The following FGF13 variants were observed in gnomAD, a reference collection of about 807,000 sequenced individuals.
FGF13 encodes the protein fibroblast growth factor 13.
Under a neutral mutation model 19.5 loss-of-function variants are expected in FGF13, and 2 were observed. The ratio of observed to expected loss-of-function variants is 0.10; its 90% CI spans 0.04 to 0.32. FGF13 has a LOEUF of 0.32. Among genes scored for constraint, FGF13 ranks in the 10% least tolerant of loss-of-function variants. The probability of loss-of-function intolerance (pLI) is 1.00; values close to 1 mark genes in which losing one functional copy is unlikely to be tolerated. For missense variants in FGF13, 113 were observed against 192.7 expected (o/e 0.59, Z 2.45); for synonymous variants, 72 against 76.9 (o/e 0.94, Z 0.33).
chrX:138,942,025 A>G (rs753747199), intron 1 of FGF13, among the ~76,000 whole-genome samples: 47 of 112,412 alleles, frequency 4.2e-4, no homozygotes, highest in African/African-American at 1.5e-3. Context: ...AACAGAGTCT[A>G]TAGTCCCAGC....
At chrX:139,120,362 T>A (rs1382831927) in intron 1 of FGF13, among the ~76,000 whole-genome samples, 1 of 112,093 alleles carries the variant, frequency 8.9e-6, no homozygotes, top group Admixed American at 9.4e-5. Context: ...TTGTATTACC[T>A]CTTGTATACT....
chrX:138,692,656 G>A (rs1297134727), intron 3 of FGF13, among the ~76,000 whole-genome samples: 1 of 111,194 alleles, frequency 9.0e-6, no homozygotes, highest in Non-Finnish European at 1.9e-5. Flanking sequence ...TATAGCAACA[G>A]AGCAATGAAT....
At chrX:138,950,496 T>A (rs1279439129) in intron 1 of FGF13, among the ~76,000 whole-genome samples, 2 of 111,891 alleles carry the variant, frequency 1.8e-5, no homozygotes, top group Non-Finnish European at 3.8e-5. Flanking sequence ...CTCACAGCAA[T>A]CAAGTCATAT....
intron 3 of FGF13, among the ~76,000 whole-genome samples, chrX:138,815,651 C>A (rs146021076): frequency 9.1e-6 from 1 of 109,917 alleles, no homozygotes; most frequent in Admixed American, 9.8e-5. Context: ...AATGATACTG[C>A]AACAATGGAC....
intron 1 of FGF13, among the ~76,000 whole-genome samples, chrX:138,870,705 C>T (rs1439241054): frequency 8.9e-6 from 1 of 112,433 alleles, no homozygotes; most frequent in Non-Finnish European, 1.9e-5. Flanking sequence ...AATAGTGGAG[C>T]AGAGAGATGA....
At chrX:139,042,078 A>T (rs1230586107) in intron 1 of FGF13, among the ~76,000 whole-genome samples, 1 of 112,619 alleles carries the variant, frequency 8.9e-6, no homozygotes, top group Non-Finnish European at 1.9e-5. Context: ...CTGGGCTGTT[A>T]GCCATTAACT....
At chrX:138,736,938 C>T (rs1213002961) in intron 1 of FGF13, among the ~76,000 whole-genome samples, 1 of 110,589 alleles carries the variant, frequency 9.0e-6, no homozygotes, top group Non-Finnish European at 1.9e-5. Flanking sequence ...GGGAACACAA[C>T]AAGGACAAAA....
At chrX:138,708,211 G>A (rs1227305387) in intron 2 of FGF13, among the ~76,000 whole-genome samples, 1 of 112,219 alleles carries the variant, frequency 8.9e-6, no homozygotes, top group African/African-American at 3.2e-5. Context: ...TCAGTAATTG[G>A]AAATAAAACC....
chrX:138,677,481 GA>G (rs1480073181), intron 3 of FGF13, among the ~76,000 whole-genome samples: 1 of 99,390 alleles, frequency 1.0e-5, no homozygotes, highest in South Asian at 4.6e-4. Flanking sequence ...AAATGTACAA[GA>G]AAAAAAACAA....
In FGF13 at chrX:139,088,540, G is replaced by GAAA. The variant is rs142651925; in HGVS notation, c.-113+114873_-113+114875dup. ...TGGATTCACTCAGCATTACTTGCAA[G>GAAA]AAAAAAAAAAAAAAAAACTCAAAAC... On this transcript the variant is annotated intron_variant, in intron 1 of 2. Transcript: ENST00000421460. 8.4e-4 allele frequency among the ~76,000 whole-genome samples: 55 copies of GAAA among 65,580 alleles called. No homozygotes were observed. In the East Asian group the frequency reaches 8.7e-3, roughly 10 times the overall value. The allele number at this position is 65,580 out of a possible 115,157, so 56.9% of individuals were successfully genotyped here.
chrX:138,667,274 G>T (rs2886856), intron 3 of FGF13, among the ~76,000 whole-genome samples: 14,113 of 105,899 alleles, frequency 0.13, 716 homozygotes, highest in South Asian at 0.23. Context: ...TATATATATA[G>T]AGAGAGAGAG....
At chrX:138,973,577 T>G (rs985250176) in intron 1 of FGF13, among the ~76,000 whole-genome samples, 1 of 111,987 alleles carries the variant, frequency 8.9e-6, no homozygotes, top group African/African-American at 3.2e-5. Context: ...GATCTATCCA[T>G]CGCTGAAAGT....
At chrX:138,774,672 C>T (rs973110209) in intron 3 of FGF13, among the ~76,000 whole-genome samples, 4 of 111,459 alleles carry the variant, frequency 3.6e-5, no homozygotes, top group African/African-American at 1.3e-4. Flanking sequence ...TATCTAAGTG[C>T]CCACTTCCAC....
intron 3 of FGF13, among the ~76,000 whole-genome samples, chrX:138,770,803 T>C (rs1160932595): frequency 1.8e-5 from 2 of 111,537 alleles, no homozygotes; most frequent in African/African-American, 6.5e-5. Context: ...GCAAATTATA[T>C]AAAAAGGCAC....
intron 3 of FGF13, among the ~76,000 whole-genome samples, chrX:138,679,286 C>T (rs1326166883): frequency 2.7e-5 from 3 of 109,787 alleles, no homozygotes; most frequent in Non-Finnish European, 5.7e-5. Context: ...GCTATGTTGC[C>T]GAGGCTGGTC....
chrX:138,915,098 G>GT (rs112158216), intron 1 of FGF13, among the ~76,000 whole-genome samples: 4,516 of 111,444 alleles, frequency 0.041, 250 homozygotes, highest in African/African-American at 0.14. Context: ...GGCTACTCCA[G>GT]TTTTTTCAAC....
chrX:138,924,692 TC>T (rs1215974302), intron 1 of FGF13, among the ~76,000 whole-genome samples: 9 of 110,274 alleles, frequency 8.2e-5, no homozygotes, highest in African/African-American at 2.6e-4. Context: ...AGTAACTGAG[TC>T]CATAACCCTG....
intron 1 of FGF13, among the ~76,000 whole-genome samples, chrX:139,162,479 G>A (rs1194979729): frequency 1.8e-5 from 2 of 111,985 alleles, no homozygotes; most frequent in African/African-American, 6.5e-5. Context: ...ACATAGGCAC[G>A]GGCAAAGATG....
chrX:138,801,697 C>T (rs1013940620), intron 3 of FGF13, among the ~76,000 whole-genome samples: 3 of 112,020 alleles, frequency 2.7e-5, no homozygotes, highest in Admixed American at 9.4e-5. Context: ...GCCCCTTCCC[C>T]CAGGTGCTCT....
Sources: gnomAD v4.1 joint callset for allele counts (sites outside exome capture counted in the v4.1 genomes callset) on GRCh38, gnomAD v4.1.1 for gene constraint, MANE v1.5 for transcripts, NCBI Gene and HGNC (gene_info 2026-07-23, HGNC 2026-07-21) for gene names.